The following CAPS2 variants were observed in gnomAD, a reference collection of about 807,000 sequenced individuals.
The protein encoded by CAPS2 is calcyphosin-2.
CAPS2 carries 98 observed loss-of-function variants against 86.5 expected under a neutral mutation model. That is an observed-to-expected ratio of 1.13 (90% CI 0.96 to 1.34). The LOEUF (loss-of-function observed/expected upper bound fraction) is 1.34, where lower values mean the gene tolerates loss of function less well. CAPS2 is among the 40% of genes most tolerant of loss of function. The pLI is 0.00. For synonymous variants in CAPS2, 210 were observed against 225.1 expected (o/e 0.93, Z 0.60); for missense variants, 729 against 686.8 (o/e 1.06, Z -0.69).
rs2033123238 is a variant in CAPS2, at chr12:75,277,407, T to C, written c.*1483A>G. 7.2e-6 allele frequency: 7 copies of C among 974,516 alleles called. No individual in the cohort carries two copies. The South Asian group carries it at 2.4e-4, about 33-fold the overall frequency. 60.4% of individuals were successfully genotyped at this position (974,516 alleles called of 1,614,324 possible). ...CAATTTGTAGGGTTTAAGATGTCTA[T>C]AGTTGGATAAATTTTTCCAAGAAAA... is the stretch of plus-strand genomic sequence containing the variant. On this transcript the variant is annotated 3_prime_UTR_variant, in exon 17 of 17. Coordinates refer to ENST00000393284, the Ensembl canonical transcript of CAPS2.
At chr12:75,358,218 C>T (rs1345686343) in intron 1 of CAPS2, among the ~76,000 whole-genome samples, 10 of 151,388 alleles carry the variant, frequency 6.6e-5, no homozygotes, top group Admixed American at 6.6e-4. Context: ...ATAAATTTTA[C>T]CACTTGGATG....
At chr12:75,277,167 G>C, downstream of CAPS2, 3 of 979,522 alleles carry the variant, frequency 3.1e-6, no homozygotes, top group Non-Finnish European at 3.6e-6. Context: ...AATACTAAGA[G>C]TATGCTGTCA....
At chr12:75,290,331 C>G (rs558635004) in intron 13 of CAPS2, among the ~76,000 whole-genome samples, 1 of 152,236 alleles carries the variant, frequency 6.6e-6, no homozygotes, top group African/African-American at 2.4e-5. Context: ...GCTTAGATCC[C>G]TAGCATTCTC....
chr12:75,298,273 C>A (rs1198968396), intron 11 of CAPS2: 2 of 163,560 alleles, frequency 1.2e-5, no homozygotes, highest in Non-Finnish European at 2.7e-5. Flanking sequence ...GGCTATCCAT[C>A]AAAAAAATGA....
intron 1 of CAPS2, among the ~76,000 whole-genome samples, chr12:75,384,802 T>A (rs558100777): frequency 9.8e-5 from 15 of 152,296 alleles, no homozygotes; most frequent in Middle Eastern, 3.4e-3. Context: ...AATAATTATA[T>A]TACATGATGG....
intron 7 of CAPS2, chr12:75,305,974 C>G: frequency 7.3e-7 from 1 of 1,363,512 alleles, no homozygotes; most frequent in Non-Finnish European, 1.0e-6. Flanking sequence ...TGGCTCTGAG[C>G]AACAGCAGGG....
At chr12:75,292,690 T>G (rs2036196083) in intron 12 of CAPS2, among the ~76,000 whole-genome samples, 1 of 147,252 alleles carries the variant, frequency 6.8e-6, no homozygotes, top group African/African-American at 2.5e-5. Context: ...ATAATACATA[T>G]ATAATATGTA....
At chr12:75,320,361 G>A (rs748928027) in intron 5 of CAPS2, among the ~76,000 whole-genome samples, 8 of 152,130 alleles carry the variant, frequency 5.3e-5, no homozygotes, top group Non-Finnish European at 7.4e-5. Flanking sequence ...CATCTGTACA[G>A]TGATCTAAAT....
At chr12:75,277,538 G>T in exon 17 of CAPS2, 2 of 930,898 alleles carry the variant, frequency 2.1e-6, no homozygotes, top group Non-Finnish European at 2.6e-6. Flanking sequence ...AAGAAATAAA[G>T]AATTTAGCCA....
chr12:75,366,840 A>T (rs566593067), intron 1 of CAPS2: 1 of 700,092 alleles, frequency 1.4e-6, no homozygotes, highest in East Asian at 2.7e-5. Flanking sequence ...GAACAGCTCT[A>T]TATGCATTTC....
At chr12:75,353,086 C>A (rs371099864) in intron 1 of CAPS2, among the ~76,000 whole-genome samples, 1 of 151,958 alleles carries the variant, frequency 6.6e-6, no homozygotes, top group African/African-American at 2.4e-5. Flanking sequence ...ACTAAAGGAA[C>A]TAGAGAACCA....
intron 2 of CAPS2, 32 bp downstream of exon 3, chr12:75,325,207 A>G (rs2040652941): frequency 6.5e-7 from 1 of 1,539,184 alleles, no homozygotes; most frequent in East Asian, 2.5e-5. Flanking sequence ...TGTGCCCATT[A>G]AACAGTCCAA....
chr12:75,281,923 A>G (rs1188820988), intron 16 of CAPS2, among the ~76,000 whole-genome samples: 1 of 152,144 alleles, frequency 6.6e-6, no homozygotes, highest in Non-Finnish European at 1.5e-5. Flanking sequence ...ATATAAGCAG[A>G]TACAGTAAAA....
chr12:75,335,895 T>C (rs2041702272), intron 1 of CAPS2, among the ~76,000 whole-genome samples: 1 of 152,146 alleles, frequency 6.6e-6, no homozygotes, highest in East Asian at 1.9e-4. Flanking sequence ...ATATGGTTGA[T>C]GCCTTTAGAG....
chr12:75,300,801 C>T (rs1198301105), intron 8 of CAPS2, among the ~76,000 whole-genome samples: 1 of 152,040 alleles, frequency 6.6e-6, no homozygotes, highest in Non-Finnish European at 1.5e-5. Flanking sequence ...GAAAGCCAGC[C>T]TAGAGCGGTA....
intron 1 of CAPS2, among the ~76,000 whole-genome samples, chr12:75,357,102 A>G (rs915919282): frequency 2.0e-5 from 3 of 152,194 alleles, no homozygotes; most frequent in African/African-American, 7.2e-5. Flanking sequence ...AGGTGGTAGT[A>G]TAAGTAAAGC....
chr12:75,323,223 C>G lies in CAPS2; in HGVS notation c.132-1G>C, dbSNP rs554343529. 1.3e-6 allele frequency: 2 copies of G among 1,542,666 alleles called. No individual in the cohort carries two copies. The highest frequency in any genetic ancestry group is 2.7e-5 in the African/African-American group (2 of 72,780). On this transcript the variant is annotated splice_acceptor_variant, in intron 2 of 16. Transcript: ENST00000393284. LOFTEE classifies it high-confidence loss of function. ...GCTTCCCAAATCAAGTCGTGGGACC[C>G]TGAAAGACATAATCTATGTATCCCG...
intron 1 of CAPS2, among the ~76,000 whole-genome samples, chr12:75,335,722 T>C (rs995019495): frequency 6.6e-6 from 1 of 152,080 alleles, no homozygotes. Context: ...TGGAGAAAGA[T>C]TCAAATATGT....
downstream of CAPS2, chr12:75,276,060 A>G: frequency 1.4e-6 from 1 of 733,440 alleles, no homozygotes; most frequent in Non-Finnish European, 2.0e-6. Flanking sequence ...TTAAAATAAA[A>G]ATGGAACGAT....
Sources: allele counts gnomAD v4.1 joint callset (sites outside exome capture counted in the v4.1 genomes callset), GRCh38; gene constraint gnomAD v4.1.1; transcripts MANE v1.5; gene names NCBI Gene and HGNC (gene_info 2026-07-23, HGNC 2026-07-21).